The following ANKS1B variants were observed in gnomAD, a reference collection of about 807,000 sequenced individuals.
ANKS1B encodes ankyrin repeat and sterile alpha motif domain containing 1B.
ANKS1B carries 36 observed loss-of-function variants against 148.3 expected under a neutral mutation model. That is an observed-to-expected ratio of 0.24 (90% CI 0.19 to 0.32). The LOEUF is 0.32. Among genes scored for constraint, ANKS1B ranks in the 10% least tolerant of loss-of-function variants. The pLI is 1.00. For missense variants in ANKS1B, 1,157 were observed against 1,542.6 expected, an observed-to-expected ratio of 0.75 and a Z score of 4.19; for synonymous variants, 542 against 560.8, an observed-to-expected ratio of 0.97 and a Z score of 0.47.
intron 1 of ANKS1B, among the ~76,000 whole-genome samples, chr12:99,927,879 T>C (rs570494906): frequency 1.1e-4 from 17 of 152,320 alleles, no homozygotes; most frequent in African/African-American, 4.1e-4. Context: ...CTTTAACTGC[T>C]ATATAAAAAT....
At chr12:98,898,242 T>C (rs545814448) in intron 17 of ANKS1B, among the ~76,000 whole-genome samples, 1 of 152,288 alleles carries the variant, frequency 6.6e-6, no homozygotes, top group Non-Finnish European at 1.5e-5. Context: ...TAAGTAAATA[T>C]TACAGTCTGG....
At chr12:99,671,919 C>T (rs2098539996) in intron 8 of ANKS1B, among the ~76,000 whole-genome samples, 2 of 152,140 alleles carry the variant, frequency 1.3e-5, no homozygotes, top group African/African-American at 4.8e-5. Context: ...CTGATGTTTT[C>T]TCCCCCACCC....
intron 24 of ANKS1B, among the ~76,000 whole-genome samples, chr12:98,780,787 G>C (rs2098726745): frequency 6.6e-6 from 1 of 152,118 alleles, no homozygotes; most frequent in South Asian, 2.1e-4. Context: ...TTTGTTTTCT[G>C]TTTCAATGTT....
At chr12:98,944,414 C>T (rs1193123833) in intron 17 of ANKS1B, among the ~76,000 whole-genome samples, 2 of 151,684 alleles carry the variant, frequency 1.3e-5, no homozygotes, top group African/African-American at 4.8e-5. Context: ...GAAGCAGATG[C>T]TGGCGCCATG....
intron 17 of ANKS1B, among the ~76,000 whole-genome samples, chr12:98,958,509 A>G (rs1274427982): frequency 1.3e-5 from 2 of 152,242 alleles, no homozygotes; most frequent in Admixed American, 1.3e-4. Context: ...AAATTGGTAC[A>G]GTAGGATGAA....
At chr12:99,966,784 A>G (rs1019829626) in intron 1 of ANKS1B, among the ~76,000 whole-genome samples, 14 of 152,256 alleles carry the variant, frequency 9.2e-5, no homozygotes, top group Non-Finnish European at 1.3e-4. Context: ...TGATAGGCTT[A>G]CTAGGAACCC....
rs116891122 is a variant in ANKS1B, at chr12:99,148,545, G to T, written c.2526+5744C>A. On this transcript the variant is annotated intron_variant, in intron 15 of 26. Coordinates refer to ENST00000683438, the MANE Select transcript of ANKS1B (RefSeq NM_001352186.2). ...ATGGGATATACAAGAACAATTAGTA[G>T]CTCTGCCAGCGCCAATATTGTACTT... Among the ~76,000 whole-genome samples the T allele has an allele frequency of 2.4e-3, 362 of 152,158 alleles. 8 individuals carry two copies. The South Asian group carries it at 0.045, about 19-fold the overall frequency.
intron 8 of ANKS1B, among the ~76,000 whole-genome samples, chr12:99,748,977 C>G (rs1044113291): frequency 4.6e-5 from 7 of 152,088 alleles, no homozygotes; most frequent in African/African-American, 1.7e-4. Flanking sequence ...CCTCAATCAT[C>G]TGATATAGAC....
Position 99,655,064 on chromosome 12 carries a change from T to C in ANKS1B, c.1272+3A>G, listed in dbSNP as rs1273542568. On this transcript the variant is annotated splice_donor_region_variant and intron_variant, in intron 9 of 26. Transcript: ENST00000683438. ...TTGTACCTTAATAAAAGCAAACTTT[T>C]ACCTGGGCAAGCATGGGGAAGCCAA... is the stretch of plus-strand genomic sequence containing the variant. The C allele has an allele frequency of 1.3e-6, 2 of 1,564,114 alleles. No individual in the cohort carries two copies. The highest frequency in any genetic ancestry group is 1.4e-5 in the African/African-American group (1 of 73,854).
intron 2 of ANKS1B, among the ~76,000 whole-genome samples, chr12:99,820,332 T>C (rs919142490): frequency 2.6e-5 from 4 of 151,918 alleles, no homozygotes; most frequent in Admixed American, 2.6e-4. Context: ...ATGTACAAAA[T>C]TGGGGAAACT....
intron 15 of ANKS1B, among the ~76,000 whole-genome samples, chr12:99,112,131 G>C (rs1038623353): frequency 6.6e-6 from 1 of 152,006 alleles, no homozygotes; most frequent in African/African-American, 2.4e-5. Context: ...GTAAAGGCCC[G>C]TGCAATGTGC....
intron 14 of ANKS1B, among the ~76,000 whole-genome samples, chr12:99,222,947 GT>G (rs2085346968): frequency 6.6e-6 from 1 of 152,164 alleles, no homozygotes; most frequent in South Asian, 2.1e-4. Context: ...CTACAAGCAT[GT>G]TTCTTCCTTC....
At chr12:98,862,808 T>A (rs11109632) in intron 17 of ANKS1B, among the ~76,000 whole-genome samples, 1 of 152,196 alleles carries the variant, frequency 6.6e-6, no homozygotes, top group Non-Finnish European at 1.5e-5. Context: ...TCTTGCTTTA[T>A]ATATTATACA....
At chr12:99,646,701 C>CTG (rs540206064) in intron 9 of ANKS1B, among the ~76,000 whole-genome samples, 63 of 138,506 alleles carry the variant, frequency 4.5e-4, no homozygotes, top group South Asian at 2.8e-3. Flanking sequence ...GGCTATGGCT[C>CTG]TGTGTGTGTG....
At chr12:99,796,148 C>T (rs1322030688) in intron 4 of ANKS1B, among the ~76,000 whole-genome samples, 1 of 151,844 alleles carries the variant, frequency 6.6e-6, no homozygotes, top group Admixed American at 6.6e-5. Flanking sequence ...CCAGAACAGT[C>T]GATCTGATAA....
chr12:99,080,816 C>A (rs912238323), intron 16 of ANKS1B, among the ~76,000 whole-genome samples: 3 of 152,030 alleles, frequency 2.0e-5, no homozygotes, highest in African/African-American at 7.2e-5. Flanking sequence ...AGAAAAAGCA[C>A]AATAAACTTA....
rs1427825460 is a variant in ANKS1B at position 98,888,696 on chromosome 12, G to T, written c.2779-56560C>A. Among the ~76,000 whole-genome samples the T allele has an allele frequency of 2.0e-5, 3 of 152,170 alleles. No homozygotes were observed. In the East Asian group the frequency reaches 5.8e-4, roughly 29 times the overall value. On this transcript the variant is annotated intron_variant, in intron 17 of 26. Transcript: ENST00000683438. The stretch of plus-strand genomic sequence containing the variant: ...GTTCTTTCTCCAGCATCTCCGTATA[G>T]CTGGTTCCTTCTATTCAGGTCTCTG...
intron 9 of ANKS1B, among the ~76,000 whole-genome samples, chr12:99,578,283 A>G (rs2097537695): frequency 6.6e-6 from 1 of 152,182 alleles, no homozygotes; most frequent in Non-Finnish European, 1.5e-5. Flanking sequence ...CAAAAGCTGG[A>G]AGCATTCCCC....
chr12:99,789,373 G>A (rs1017802542), intron 4 of ANKS1B, among the ~76,000 whole-genome samples: 1 of 152,126 alleles, frequency 6.6e-6, no homozygotes, highest in African/African-American at 2.4e-5. Context: ...GGTCCAGACT[G>A]TGAAGACTAC....
Sources: gnomAD v4.1 joint callset for allele counts (sites outside exome capture counted in the v4.1 genomes callset) on GRCh38, gnomAD v4.1.1 for gene constraint, MANE v1.5 for transcripts, NCBI Gene and HGNC (gene_info 2026-07-23, HGNC 2026-07-21) for gene names.